Variants in ZFPM2 observed in about 807,000 individuals in gnomAD.
ZFPM2 encodes the protein zinc finger protein, FOG family member 2, also known as zinc finger protein ZFPM2.
In ZFPM2, 20 loss-of-function variants were observed where a neutral mutation model predicts 98.6. That is an observed-to-expected ratio of 0.20 (90% CI 0.14 to 0.29). The LOEUF (loss-of-function observed/expected upper bound fraction) is 0.29. ZFPM2 is among the 10% of genes least tolerant of loss of function. The pLI is 1.00. For missense variants in ZFPM2, 1,310 were observed against 1,388.6 expected, an observed-to-expected ratio of 0.94 and a Z score of 0.90; for synonymous variants, 518 against 502.7, an observed-to-expected ratio of 1.03 and a Z score of -0.41.
At chr8:105,690,799 C>T (rs555502194) in intron 5 of ZFPM2, 3 of 152,286 alleles carry the variant, frequency 2.0e-5, no homozygotes, top group South Asian at 4.1e-4. Context: ...CCCCCACCTC[C>T]GTTGCCATCT....
chr8:105,696,269 G>A (rs1002575106), intron 5 of ZFPM2, among the ~76,000 whole-genome samples: 2 of 152,138 alleles, frequency 1.3e-5, no homozygotes, highest in Non-Finnish European at 2.9e-5. Flanking sequence ...CAGTGAGGCG[G>A]AGAAATTGCC....
intron 5 of ZFPM2, among the ~76,000 whole-genome samples, chr8:105,638,105 T>C (rs1816883793): frequency 6.6e-6 from 1 of 152,174 alleles, no homozygotes; most frequent in Admixed American, 6.6e-5. Flanking sequence ...TCTTCTTTCT[T>C]GTGTGGGCAT....
At chr8:105,424,690 C>G (rs1811871721) in intron 2 of ZFPM2, among the ~76,000 whole-genome samples, 1 of 152,096 alleles carries the variant, frequency 6.6e-6, no homozygotes, top group Non-Finnish European at 1.5e-5. Flanking sequence ...CAAACATAAT[C>G]AGATACTTAA....
chr8:105,767,989 A>G (rs1472249783), intron 5 of ZFPM2, among the ~76,000 whole-genome samples: 1 of 151,788 alleles, frequency 6.6e-6, no homozygotes, highest in African/African-American at 2.4e-5. Context: ...AATAATTTTG[A>G]TTGATCTTAT....
At chr8:105,655,944 C>T (rs1817276620) in intron 5 of ZFPM2, among the ~76,000 whole-genome samples, 1 of 146,430 alleles carries the variant, frequency 6.8e-6, no homozygotes, top group Non-Finnish European at 1.5e-5. Context: ...TTCATTCATT[C>T]ATTTTTTTTT....
chr8:105,600,320 A>G (rs1387463298), intron 4 of ZFPM2, among the ~76,000 whole-genome samples: 15 of 152,120 alleles, frequency 9.9e-5, no homozygotes, highest in Non-Finnish European at 2.1e-4. Context: ...TATACTCTGA[A>G]ATGTTTGTAA....
intron 1 of ZFPM2, among the ~76,000 whole-genome samples, chr8:105,351,382 T>TG (rs3037667): frequency 0.015 from 2,289 of 150,320 alleles, 54 homozygotes; most frequent in African/African-American, 0.051. Flanking sequence ...TGTGTGTGTG[T>TG]TTGTGTGTGT....
At chr8:105,661,558 C>CTTTA (rs527938569) in intron 5 of ZFPM2, among the ~76,000 whole-genome samples, 61 of 152,224 alleles carry the variant, frequency 4.0e-4, no homozygotes, top group African/African-American at 1.4e-3. Flanking sequence ...GACCGCAGAC[C>CTTTA]TTTAGAATAC....
chr8:105,522,707 G>A (rs1423253095), intron 3 of ZFPM2, among the ~76,000 whole-genome samples: 14 of 151,548 alleles, frequency 9.2e-5, no homozygotes, highest in Non-Finnish European at 2.1e-4. Flanking sequence ...GGAGGTGGAG[G>A]TTGTGCCACT....
intron 5 of ZFPM2, among the ~76,000 whole-genome samples, chr8:105,750,756 C>T (rs1382940249): frequency 6.6e-6 from 1 of 151,974 alleles, no homozygotes; most frequent in Non-Finnish European, 1.5e-5. Context: ...AGAGCACAAC[C>T]AATTTTGCCA....
At chr8:105,447,041 A>G (rs1020366585) in intron 3 of ZFPM2, among the ~76,000 whole-genome samples, 4 of 152,064 alleles carry the variant, frequency 2.6e-5, no homozygotes, top group Non-Finnish European at 2.9e-5. Context: ...GTAGTCAGAG[A>G]GAAAATTGTG....
chr8:105,519,370 A>C (rs1217250484), intron 3 of ZFPM2, among the ~76,000 whole-genome samples: 1 of 152,140 alleles, frequency 6.6e-6, no homozygotes, highest in Non-Finnish European at 1.5e-5. Context: ...GAAAAATAAG[A>C]ATTATTATTT....
rs1812245132 is a variant in ZFPM2, at chr8:105,441,479, AAAG to A, written c.200-2798_200-2796del. 9.8e-5 allele frequency among the ~76,000 whole-genome samples: 8 copies of A among 81,672 alleles called. 2 individuals are homozygous for A. Among genetic ancestry groups the A allele is most frequent in the East Asian group, 2.8e-4 (1 of 3,514 alleles). 53.6% of individuals were successfully genotyped at this position (81,672 alleles called of 152,430 possible). A position where few individuals can be genotyped will look rare whatever the true frequency, so the allele number is the denominator to read the frequency against. The stretch of plus-strand genomic sequence containing the variant: ...GAAAGAAAGAAAGAAAGAAAGAAAG[AAAG>A]AAAGAAAGAAAGAAAGAAATCAAAG... On this transcript the variant is annotated intron_variant, in intron 2 of 7. Coordinates refer to ENST00000407775, the MANE Select transcript of ZFPM2 (RefSeq NM_012082.4).
At chr8:105,612,513 T>A (rs1816327664) in intron 4 of ZFPM2, among the ~76,000 whole-genome samples, 1 of 152,218 alleles carries the variant, frequency 6.6e-6, no homozygotes, top group African/African-American at 2.4e-5. Flanking sequence ...AGTCTATTTA[T>A]AACTAGGATT....
intron 2 of ZFPM2, among the ~76,000 whole-genome samples, chr8:105,429,303 G>A (rs1158499084): frequency 6.6e-6 from 1 of 151,944 alleles, no homozygotes; most frequent in African/African-American, 2.4e-5. Flanking sequence ...GCATGGATAT[G>A]TATATGTGGC....
At chr8:105,560,539 T>C (rs1263868538) in intron 3 of ZFPM2, among the ~76,000 whole-genome samples, 2 of 151,712 alleles carry the variant, frequency 1.3e-5, no homozygotes, top group African/African-American at 4.8e-5. Context: ...TGATTTTTTT[T>C]CTACCTATCC....
intron 3 of ZFPM2, among the ~76,000 whole-genome samples, chr8:105,517,708 C>A (rs201983620): frequency 0.23 from 1,239 of 5,504 alleles, 3 homozygotes; most frequent in Non-Finnish European, 0.31. Context: ...ACACACACAC[C>A]ACACACACAC....
In ZFPM2 at chr8:105,802,647, G is replaced by GTGTGCAAGATCT; in HGVS notation, c.2567_2568insTGCAAGATCTTG (p.Cys856_Thr857insAlaArgSerCys). 1 of 1,610,918 alleles carries GTGTGCAAGATCT rather than the reference G, an allele frequency of 6.2e-7. No individual in the cohort carries two copies. Among genetic ancestry groups the GTGTGCAAGATCT allele is most frequent in the Non-Finnish European group, 8.5e-7 (1 of 1,178,562 alleles). On this transcript the variant is annotated inframe_insertion, in exon 8 of 8. Coordinates refer to ENST00000407775, the MANE Select transcript of ZFPM2 (RefSeq NM_012082.4). ...CCAAAAGGCTGCTGGACTATCACGAGTGCACTGTGTGCAAGATCAGTTTCA... is the reference window on the plus strand; with the variant it reads ...CCAAAAGGCTGCTGGACTATCACGAGTGTGCAAGATCTTGCACTGTGTGCAAGATCAGTTTCA...
intron 5 of ZFPM2, among the ~76,000 whole-genome samples, chr8:105,641,707 A>G (rs9656865): frequency 0.089 from 13,474 of 152,090 alleles, 624 homozygotes; most frequent in African/African-American, 0.13. Context: ...GGTGTACTGA[A>G]TAGTTTATTG....
Sources: allele counts gnomAD v4.1 joint callset (sites outside exome capture counted in the v4.1 genomes callset), GRCh38; gene constraint gnomAD v4.1.1; transcripts MANE v1.5; gene names NCBI Gene and HGNC (gene_info 2026-07-23, HGNC 2026-07-21).